SEMA6A: variants seen among roughly 807,000 people sequenced by gnomAD.
The protein encoded by SEMA6A is semaphorin-6A.
A neutral mutation model predicts 96.8 loss-of-function variants in SEMA6A; 25 were observed. The observed-to-expected ratio is 0.26, with a 90% CI of 0.19 to 0.36. The LOEUF is 0.36. Ranked by LOEUF, SEMA6A falls within the 10% of genes least tolerant of loss-of-function variation. SEMA6A has a pLI of 1.00. For synonymous variants in SEMA6A, 612 were observed against 518.0 expected (o/e 1.18, Z -2.46); for missense variants, 1,363 against 1,323.1 (o/e 1.03, Z -0.47).
At chr5:116,492,609 G>C (rs544328569) in intron 6 of SEMA6A, 7 of 152,340 alleles carry the variant, frequency 4.6e-5, no homozygotes, top group African/African-American at 1.4e-4. Context: ...TAGATTTATA[G>C]TGGGTAGCCT....
In SEMA6A at chr5:116,495,262, G is replaced by T. The variant is rs887829799; in HGVS notation, c.444+151C>A. 53 of 662,290 alleles carry T rather than the reference G, an allele frequency of 8.0e-5. No individual in the cohort carries two copies. In the East Asian group the frequency reaches 1.3e-3, roughly 16 times the overall value. 41.0% of individuals were successfully genotyped at this position (662,290 alleles called of 1,614,324 possible). On this transcript the variant is annotated intron_variant, in intron 6 of 18. Coordinates refer to ENST00000343348, the MANE Select transcript of SEMA6A (RefSeq NM_020796.5). ...ACAGGAAGCTTAGAAGCCTGCTTAGGATCACTCATGTGGAGCAATACATTA... is the reference window on the plus strand; with the variant it reads ...ACAGGAAGCTTAGAAGCCTGCTTAGTATCACTCATGTGGAGCAATACATTA...
chr5:116,475,702 T>A, intron 15 of SEMA6A, 99 bp from the exon 16 acceptor site: 1 of 776,538 alleles, frequency 1.3e-6, no homozygotes, highest in Non-Finnish European at 2.1e-6. Context: ...CACAGTTTGA[T>A]AAATTGAGTG....
At chr5:116,482,736 T>G (rs1756849646) in intron 10 of SEMA6A, among the ~76,000 whole-genome samples, 161 bp from the exon 11 acceptor site, 1 of 152,188 alleles carries the variant, frequency 6.6e-6, no homozygotes, top group South Asian at 2.1e-4. Flanking sequence ...AGAAAATATT[T>G]CTCTCAATCA....
chr5:116,449,644 A>G (rs1448177413), intron 18 of SEMA6A: 2 of 313,920 alleles, frequency 6.4e-6, no homozygotes, highest in South Asian at 5.8e-5. Flanking sequence ...CCTCCCTTCA[A>G]TTGTGACATC....
At chr5:116,455,621 T>G (rs1459211093) in intron 18 of SEMA6A, among the ~76,000 whole-genome samples, 1 of 152,214 alleles carries the variant, frequency 6.6e-6, no homozygotes, top group Admixed American at 6.5e-5. Flanking sequence ...AAGTCTTTGC[T>G]TGGATTATTT....
At chr5:116,553,064 A>G (rs1054341434) in intron 1 of SEMA6A, among the ~76,000 whole-genome samples, 3 of 152,226 alleles carry the variant, frequency 2.0e-5, no homozygotes, top group African/African-American at 7.2e-5. Context: ...AACCGCTTAG[A>G]AAACTATAGA....
intron 1 of SEMA6A, among the ~76,000 whole-genome samples, chr5:116,526,181 A>G (rs1465205882): frequency 2.0e-5 from 3 of 151,410 alleles, no homozygotes; most frequent in Non-Finnish European, 4.4e-5. Flanking sequence ...TCCCATGACT[A>G]TGGTTTTTCT....
At chr5:116,562,669 C>T in intron 1 of SEMA6A, 1 of 710,478 alleles carries the variant, frequency 1.4e-6, no homozygotes, top group South Asian at 1.4e-5. Context: ...TTGCACCCTT[C>T]AATGACACTT....
chr5:116,461,055 A>G (rs116388399), intron 18 of SEMA6A, among the ~76,000 whole-genome samples: 5,544 of 152,258 alleles, frequency 0.036, 134 homozygotes, highest in South Asian at 0.072. Flanking sequence ...CACAATTTAT[A>G]AATAAAATAC....
intron 1 of SEMA6A, among the ~76,000 whole-genome samples, chr5:116,526,613 T>C (rs1266970894): frequency 2.0e-5 from 3 of 152,342 alleles, no homozygotes; most frequent in African/African-American, 7.2e-5. Context: ...AGAAAAACGC[T>C]ATAGATTTTA....
At chr5:116,571,916 T>C (rs1207136232) in intron 1 of SEMA6A, among the ~76,000 whole-genome samples, 8 of 152,186 alleles carry the variant, frequency 5.3e-5, no homozygotes, top group African/African-American at 2.4e-5. Flanking sequence ...GAATTAAACA[T>C]AGGCATCTTT....
At chr5:116,529,203 C>A (rs1199631896) in intron 1 of SEMA6A, among the ~76,000 whole-genome samples, 1 of 152,080 alleles carries the variant, frequency 6.6e-6, no homozygotes, top group Admixed American at 6.6e-5. Context: ...TTTTGAGACA[C>A]AGCTATAAGA....
intron 6 of SEMA6A, among the ~76,000 whole-genome samples, chr5:116,493,422 T>C (rs143850682): frequency 3.7e-3 from 571 of 152,350 alleles, no homozygotes; most frequent in Non-Finnish European, 6.3e-3. Flanking sequence ...TATTATAAAC[T>C]GATGAATCTT....
In SEMA6A at chr5:116,491,718, G is replaced by A. The variant is rs7737494; in HGVS notation, c.535+22C>T. 2.8e-3 allele frequency: 4,419 copies of A among 1,594,966 alleles called. 93 individuals carry two copies. In the African/African-American group the frequency reaches 0.045, roughly 16 times the overall value. Reference sequence around the variant, plus strand: ...TGAAACAAGCAAAAGCAAGTGCAACGAGGAGAAATCAGGTCGCTTACCTGC... The same window carrying A: ...TGAAACAAGCAAAAGCAAGTGCAACAAGGAGAAATCAGGTCGCTTACCTGC... On this transcript the variant is annotated intron_variant, in intron 7 of 18. Transcript: ENST00000343348.
chr5:116,505,943 C>G (rs927987290), intron 1 of SEMA6A, among the ~76,000 whole-genome samples: 2 of 151,324 alleles, frequency 1.3e-5, no homozygotes, highest in Admixed American at 6.6e-5. Flanking sequence ...TGCAAATAAG[C>G]ATTGCTCTAT....
intron 18 of SEMA6A, among the ~76,000 whole-genome samples, chr5:116,451,126 G>C (rs963459290): frequency 5.9e-5 from 9 of 152,138 alleles, no homozygotes; most frequent in African/African-American, 2.2e-4. Flanking sequence ...CTGGGCCTCA[G>C]TTTTTTTATC....
rs74571729 is a variant in SEMA6A at position 116,485,404 on chromosome 5, A to C, written c.962+1345T>G. On this transcript the variant is annotated intron_variant, in intron 10 of 18. Transcript: ENST00000343348. ...CAAAATCCTAGAGAGATAGGCTCTG[A>C]TGTATGAGCAATAAAAGCCTGAATT... Among the ~76,000 whole-genome samples, 726 of 152,336 alleles carry C rather than the reference A, an allele frequency of 4.8e-3. 8 individuals are homozygous for C. Among genetic ancestry groups the C allele is most frequent in the African/African-American group, 0.017 (693 of 41,562 alleles).
At chr5:116,522,836 G>T (rs1759021661) in intron 1 of SEMA6A, among the ~76,000 whole-genome samples, 1 of 152,070 alleles carries the variant, frequency 6.6e-6, no homozygotes, top group South Asian at 2.1e-4. Context: ...GGCAAAGGAA[G>T]CCCAAATGCT....
intron 1 of SEMA6A, among the ~76,000 whole-genome samples, chr5:116,540,900 T>A (rs373867279): frequency 2.6e-5 from 4 of 152,322 alleles, no homozygotes; most frequent in African/African-American, 9.6e-5. Flanking sequence ...GGAAAAAGTC[T>A]TGTGTAAATA....
Sources: gnomAD v4.1 joint callset for allele counts (sites outside exome capture counted in the v4.1 genomes callset) on GRCh38, gnomAD v4.1.1 for gene constraint, MANE v1.5 for transcripts, NCBI Gene and HGNC (gene_info 2026-07-23, HGNC 2026-07-21) for gene names.